CLIC4: variants seen among roughly 807,000 people sequenced by gnomAD.
CLIC4 encodes the protein chloride intracellular channel protein 4.
In CLIC4, 13 loss-of-function variants were observed where a neutral mutation model predicts 24.6. The ratio of observed to expected loss-of-function variants is 0.53; its 90% CI spans 0.34 to 0.84. The LOEUF (loss-of-function observed/expected upper bound fraction) is 0.84, where lower values mean the gene tolerates loss of function less well. Among genes scored for constraint, CLIC4 ranks in the 40% least tolerant of loss-of-function variants. The probability of loss-of-function intolerance (pLI) is 0.01; values close to 1 mark genes in which losing one functional copy is unlikely to be tolerated. For missense variants in CLIC4, 227 were observed against 301.7 expected, an observed-to-expected ratio of 0.75 and a Z score of 1.83; for synonymous variants, 104 against 111.3, an observed-to-expected ratio of 0.93 and a Z score of 0.41.
chr1:24,796,877 A>C (rs974421883), intron 1 of CLIC4, among the ~76,000 whole-genome samples: 1 of 152,164 alleles, frequency 6.6e-6, no homozygotes, highest in African/African-American at 2.4e-5. Flanking sequence ...GGCAATATGG[A>C]TCATCGCCAT....
chr1:24,825,256 A>G (rs1016407683), intron 3 of CLIC4, among the ~76,000 whole-genome samples: 3 of 152,188 alleles, frequency 2.0e-5, no homozygotes, highest in Non-Finnish European at 2.9e-5. Flanking sequence ...TGGCTATAGG[A>G]AGACATAGAT....
At chr1:24,831,822 A>G (rs1229252946) in intron 4 of CLIC4, among the ~76,000 whole-genome samples, 1 of 151,968 alleles carries the variant, frequency 6.6e-6, no homozygotes, top group African/African-American at 2.4e-5. Flanking sequence ...TATTTTTAGT[A>G]GATACGAGGT....
intron 4 of CLIC4, among the ~76,000 whole-genome samples, chr1:24,831,572 T>C (rs1478518619): frequency 6.6e-6 from 1 of 152,228 alleles, no homozygotes; most frequent in East Asian, 1.9e-4. Flanking sequence ...TTCATTGTAA[T>C]CTGATCAAAG....
chr1:24,783,483 C>A (rs1002522094), intron 1 of CLIC4, among the ~76,000 whole-genome samples: 17 of 152,108 alleles, frequency 1.1e-4, no homozygotes, highest in Non-Finnish European at 1.9e-4. Flanking sequence ...AGATGGATCG[C>A]CTGAGGTCAG....
chr1:24,816,008 A>G (rs1639663934), intron 3 of CLIC4, among the ~76,000 whole-genome samples: 1 of 152,020 alleles, frequency 6.6e-6, no homozygotes, highest in African/African-American at 2.4e-5. Context: ...ATAAGAAGCA[A>G]CTCCTCATCC....
At chr1:24,796,336 G>A (rs11810750) in intron 1 of CLIC4, among the ~76,000 whole-genome samples, 2,413 of 151,870 alleles carry the variant, frequency 0.016, 67 homozygotes, top group African/African-American at 0.056. Flanking sequence ...CTGCAGGCGC[G>A]TACCACCACG....
intron 4 of CLIC4, among the ~76,000 whole-genome samples, chr1:24,837,295 A>G (rs1385785247): frequency 6.6e-6 from 1 of 152,228 alleles, no homozygotes; most frequent in Non-Finnish European, 1.5e-5. Flanking sequence ...GAAAAAATTT[A>G]TGCTTATAAT....
chr1:24,748,572 G>A (rs1287136333), intron 1 of CLIC4, among the ~76,000 whole-genome samples: 3 of 146,474 alleles, frequency 2.0e-5, no homozygotes, highest in East Asian at 4.0e-4. Context: ...GTGCAGTGGC[G>A]CGATCTCGGC....
intron 1 of CLIC4, among the ~76,000 whole-genome samples, chr1:24,796,517 A>G (rs1018166920): frequency 2.0e-5 from 3 of 151,912 alleles, no homozygotes; most frequent in African/African-American, 4.8e-5. Flanking sequence ...TACTTTTTCT[A>G]TGTTTAGATA....
At position 24,840,858 on chromosome 1, in the gene CLIC4, AC is replaced by A. The variant is rs1639934734; in HGVS notation, c.684del (p.Asp228GlufsTer15). 6.2e-7 allele frequency: 1 copy of A among 1,613,042 alleles called. No individual in the cohort carries two copies. Among genetic ancestry groups the A allele is most frequent in the Admixed American group, 1.7e-5 (1 of 59,912 alleles). ...WRYLTNAYSR[D>X]EFTNTCPSDK... ...TACCTAACTAATGCATACAGTAGGGACGAGTTCACCAATACCTGTCCCAGTG... is the reference window on the plus strand; with the variant it reads ...TACCTAACTAATGCATACAGTAGGGAGAGTTCACCAATACCTGTCCCAGTG... On this transcript the variant is annotated frameshift_variant, in exon 6 of 6. Transcript: ENST00000374379. LOFTEE classifies it high-confidence loss of function.
At chr1:24,820,363 C>T (rs901272124) in intron 3 of CLIC4, among the ~76,000 whole-genome samples, 1 of 147,234 alleles carries the variant, frequency 6.8e-6, no homozygotes, top group East Asian at 2.0e-4. Flanking sequence ...CAGCCTCGAC[C>T]TCCTGGGCTC....
intron 1 of CLIC4, among the ~76,000 whole-genome samples, chr1:24,760,794 G>A (rs190491782): frequency 6.6e-6 from 1 of 152,246 alleles, no homozygotes; most frequent in Non-Finnish European, 1.5e-5. Context: ...GTGATTAAAT[G>A]CTGTGAAGAA....
At chr1:24,747,360 C>T (rs1638713283) in intron 1 of CLIC4, among the ~76,000 whole-genome samples, 1 of 151,254 alleles carries the variant, frequency 6.6e-6, no homozygotes, top group Admixed American at 6.6e-5. Flanking sequence ...ATGGTGAAAC[C>T]CCATCTCTAC....
chr1:24,815,728 G>A (rs12217019), intron 3 of CLIC4, among the ~76,000 whole-genome samples: 1 of 152,160 alleles, frequency 6.6e-6, no homozygotes, highest in Non-Finnish European at 1.5e-5. Context: ...ACATGCAATA[G>A]TGTTTGATAG....
intron 1 of CLIC4, among the ~76,000 whole-genome samples, chr1:24,756,391 T>A (rs551166659): frequency 6.6e-6 from 1 of 152,332 alleles, no homozygotes; most frequent in Admixed American, 6.5e-5. Context: ...TAAGCATCCT[T>A]TCATAGGTTT....
intron 1 of CLIC4, among the ~76,000 whole-genome samples, chr1:24,792,455 G>C (rs776572136): frequency 9.9e-5 from 15 of 152,168 alleles, no homozygotes; most frequent in Admixed American, 6.5e-5. Context: ...GACTTCCAAA[G>C]TGTTGGGATT....
Position 24,817,252 on chromosome 1 carries a change from ATCTAGATAGATCAGCTAGATCT to A in CLIC4, c.308+3086_308+3107del, listed in dbSNP as rs1216398456. Among the ~76,000 whole-genome samples, 837 of 152,110 alleles carry A rather than the reference ATCTAGATAGATCAGCTAGATCT, an allele frequency of 5.5e-3. 13 individuals are homozygous for A. The highest frequency in any genetic ancestry group is 0.043 in the South Asian group (204 of 4,796). ...CATCAGATGAAGGTGATGAAGGAAG[ATCTAGATAGATCAGCTAGATCT>A]TCTAGATAGATCAGCTAGATCTTCT... On this transcript the variant is annotated intron_variant, in intron 3 of 5. Transcript: ENST00000374379.
At chr1:24,831,965 C>A (rs1639846215) in intron 4 of CLIC4, among the ~76,000 whole-genome samples, 1 of 152,094 alleles carries the variant, frequency 6.6e-6, no homozygotes, top group African/African-American at 2.4e-5. Context: ...TAATAAGAAG[C>A]ATATTAACTC....
At chr1:24,838,767 C>A (rs936746113) in intron 4 of CLIC4, among the ~76,000 whole-genome samples, 1 of 152,026 alleles carries the variant, frequency 6.6e-6, no homozygotes, top group Admixed American at 6.5e-5. Context: ...ATTCCTACCC[C>A]CTTTCTGCTG....
Sources: gnomAD v4.1 joint callset for allele counts (sites outside exome capture counted in the v4.1 genomes callset) on GRCh38, gnomAD v4.1.1 for gene constraint, MANE v1.5 for transcripts, NCBI Gene and HGNC (gene_info 2026-07-23, HGNC 2026-07-21) for gene names.